Variants in LRPPRC observed in about 807,000 individuals in gnomAD.
LRPPRC encodes the protein leucine rich pentatricopeptide repeat containing, also known as leucine-rich PPR motif-containing protein, mitochondrial.
A neutral mutation model predicts 180.3 loss-of-function variants in LRPPRC; 120 were observed. The observed-to-expected ratio is 0.67, with a 90% confidence interval of 0.57 to 0.77. The LOEUF is 0.77. Ranked by LOEUF, LRPPRC falls within the 30% of genes least tolerant of loss-of-function variation. The pLI, the probability that LRPPRC is intolerant of heterozygous loss-of-function variation, is 0.00. For missense variants in LRPPRC, 2,012 were observed against 1,657.2 expected, an observed-to-expected ratio of 1.21 and a Z score of -3.72; for synonymous variants, 723 against 600.0, an observed-to-expected ratio of 1.21 and a Z score of -3.00.
At chr2:43,972,006 T>G (rs1465124446) in intron 11 of LRPPRC, among the ~76,000 whole-genome samples, 1 of 152,216 alleles carries the variant, frequency 6.6e-6, no homozygotes, top group Non-Finnish European at 1.5e-5. Flanking sequence ...AGCAATGTTA[T>G]TCGTGTAAAA....
chr2:43,992,707 G>A (rs889290069), intron 1 of LRPPRC, among the ~76,000 whole-genome samples: 31 of 152,246 alleles, frequency 2.0e-4, no homozygotes, highest in Admixed American at 1.9e-3. Flanking sequence ...AGATGAATGG[G>A]AAAACAAATA....
chr2:43,940,357 A>T (rs983290668), intron 23 of LRPPRC, among the ~76,000 whole-genome samples: 1 of 152,220 alleles, frequency 6.6e-6, no homozygotes, highest in African/African-American at 2.4e-5. Flanking sequence ...TCAACATTTT[A>T]AAAAGCCTAT....
intron 20 of LRPPRC, 130 bp from the exon 21 acceptor site, chr2:43,946,373 A>G: frequency 1.4e-6 from 1 of 704,910 alleles, no homozygotes; most frequent in Non-Finnish European, 2.5e-6. Flanking sequence ...CATGTTAACA[A>G]CCTGACTCTG....
At chr2:43,967,355 C>T (rs1673604182) in intron 11 of LRPPRC, among the ~76,000 whole-genome samples, 1 of 151,752 alleles carries the variant, frequency 6.6e-6, no homozygotes, top group Non-Finnish European at 1.5e-5. Flanking sequence ...ACACTGTCTC[C>T]AAAACATCAT....
At chr2:43,923,117 C>T (rs936463947) in intron 27 of LRPPRC, among the ~76,000 whole-genome samples, 1 of 148,928 alleles carries the variant, frequency 6.7e-6, no homozygotes, top group East Asian at 2.0e-4. Context: ...ACTCAGAGAC[C>T]ATATATCCCT....
intron 23 of LRPPRC, among the ~76,000 whole-genome samples, chr2:43,941,681 C>G (rs1357767732): frequency 6.6e-6 from 1 of 151,908 alleles, no homozygotes; most frequent in Non-Finnish European, 1.5e-5. Context: ...TTTCCCCTGA[C>G]TACGAATGTT....
At chr2:43,974,418 A>G (rs1673957968) in intron 8 of LRPPRC, 123 bp from the exon 9 acceptor site, 1 of 852,288 alleles carries the variant, frequency 1.2e-6, no homozygotes, top group Non-Finnish European at 2.0e-6. Context: ...AACTGCCTAA[A>G]TAACAATAAA....
intron 11 of LRPPRC, among the ~76,000 whole-genome samples, chr2:43,965,057 A>G (rs1673496734): frequency 6.6e-6 from 1 of 152,182 alleles, no homozygotes; most frequent in Non-Finnish European, 1.5e-5. Context: ...GCTGGAGTGC[A>G]GTGGTGTGAT....
chr2:43,988,577 C>G (rs180968723), intron 1 of LRPPRC, among the ~76,000 whole-genome samples: 1 of 151,946 alleles, frequency 6.6e-6, no homozygotes, highest in African/African-American at 2.4e-5. Flanking sequence ...TAAACAATAG[C>G]TGTCTTATTA....
At chr2:43,951,757 A>G (rs1672910921) in intron 14 of LRPPRC, among the ~76,000 whole-genome samples, 1 of 152,252 alleles carries the variant, frequency 6.6e-6, no homozygotes, top group East Asian at 1.9e-4. Flanking sequence ...AAATAAAAAA[A>G]TAAACACATA....
chr2:43,938,210 C>A (rs979947593), intron 23 of LRPPRC, among the ~76,000 whole-genome samples: 8 of 151,868 alleles, frequency 5.3e-5, no homozygotes, highest in African/African-American at 1.9e-4. Context: ...AAGACACCCC[C>A]CTCAAAATTT....
chr2:43,991,659 G>C (rs1182883557), intron 1 of LRPPRC, among the ~76,000 whole-genome samples: 2 of 152,182 alleles, frequency 1.3e-5, no homozygotes, highest in African/African-American at 4.8e-5. Context: ...GTAAAAGCTG[G>C]TTTTCCAGAA....
At chr2:43,909,876 G>C (rs974378188) in intron 30 of LRPPRC, among the ~76,000 whole-genome samples, 8 of 151,944 alleles carry the variant, frequency 5.3e-5, no homozygotes, top group African/African-American at 1.9e-4. Context: ...GCAAATAGAC[G>C]GTCATGCTTA....
At position 43,916,350 on chromosome 2, in the gene LRPPRC, A is replaced by T. The variant is rs75629561; in HGVS notation, c.3148+1675T>A. The stretch of plus-strand genomic sequence containing the variant: ...TAAGTAAAAACATAAAATTCAACTT[A>T]CAAGCTCATAACAGAGGGTTAAAGA... On this transcript the variant is annotated intron_variant, in intron 29 of 37. Coordinates refer to ENST00000260665, the MANE Select transcript of LRPPRC (RefSeq NM_133259.4). Among the ~76,000 whole-genome samples the T allele has an allele frequency of 3.2e-3, 481 of 152,328 alleles. 3 individuals carry two copies. The highest frequency in any genetic ancestry group is 5.3e-3 in the Non-Finnish European group (362 of 68,026).
At chr2:43,951,059 G>C (rs565287367) in intron 14 of LRPPRC, among the ~76,000 whole-genome samples, 80 of 152,320 alleles carry the variant, frequency 5.3e-4, no homozygotes, top group Admixed American at 1.7e-3. Context: ...GACACAGTGA[G>C]TCTCAAAGTG....
chr2:43,928,673 G>A (rs1396409070), intron 25 of LRPPRC, among the ~76,000 whole-genome samples: 1 of 151,888 alleles, frequency 6.6e-6, no homozygotes, highest in Non-Finnish European at 1.5e-5. Flanking sequence ...ACTGCTTGAG[G>A]CCAGGAGTTC....
chr2:43,994,596 G>GCCT (rs1308176272), intron 1 of LRPPRC, among the ~76,000 whole-genome samples: 1 of 85,854 alleles, frequency 1.2e-5, no homozygotes, highest in Admixed American at 1.1e-4. Flanking sequence ...ATCTGGAGTA[G>GCCT]GCTGCAGTCT....
intron 1 of LRPPRC, among the ~76,000 whole-genome samples, chr2:43,995,072 C>A (rs1203724514): frequency 6.6e-6 from 1 of 152,110 alleles, no homozygotes; most frequent in African/African-American, 2.4e-5. Flanking sequence ...GAAACCCAGT[C>A]TCTACTAAAA....
In LRPPRC at chr2:43,973,725, T is replaced by C; in HGVS notation, c.1262-11A>G. On this transcript the variant is annotated splice_polypyrimidine_tract_variant and intron_variant, in intron 10 of 37. Coordinates refer to ENST00000260665, the MANE Select transcript of LRPPRC (RefSeq NM_133259.4). The stretch of plus-strand genomic sequence containing the variant: ...AGGCTTTTGCCAAATCTGAAAGAGA[T>C]ATCATAAAAGATCACAAAGCTACCT... The C allele has an allele frequency of 6.2e-7, 1 of 1,608,202 alleles. No individual in the cohort carries two copies. The highest frequency in any genetic ancestry group is 1.1e-5 in the South Asian group (1 of 90,934).
Sources: allele counts gnomAD v4.1 joint callset (sites outside exome capture counted in the v4.1 genomes callset), GRCh38; gene constraint gnomAD v4.1.1; transcripts MANE v1.5; gene names NCBI Gene and HGNC (gene_info 2026-07-23, HGNC 2026-07-21).